Variants in RPAP1 observed in about 807,000 individuals in gnomAD.
The protein encoded by RPAP1 is RNA polymerase II-associated protein 1.
In RPAP1, 109 loss-of-function variants were observed where a neutral mutation model predicts 142.4. The observed-to-expected ratio is 0.77, with a 90% confidence interval of 0.66 to 0.90. The LOEUF is 0.90. Among genes scored for constraint, RPAP1 ranks in the 40% least tolerant of loss-of-function variants. The pLI is 0.00. For synonymous variants in RPAP1, 704 were observed against 738.9 expected (o/e 0.95, Z 0.77); for missense variants, 1,546 against 1,751.7 (o/e 0.88, Z 2.10).
intron 19 of RPAP1, 34 bp downstream of exon 19, chr15:41,522,731 T>C: frequency 1.9e-6 from 2 of 1,041,988 alleles, no homozygotes; most frequent in Non-Finnish European, 2.6e-6. Context: ...TCTTGGCCCC[T>C]TGCCTGGCCC....
intron 1 of RPAP1, among the ~76,000 whole-genome samples, chr15:41,541,826 G>C (rs1056249806): frequency 2.0e-5 from 3 of 152,274 alleles, no homozygotes; most frequent in Admixed American, 1.3e-4. Flanking sequence ...CAGCCTGGGG[G>C]ACAGAGCATG....
intron 20 of RPAP1, 26 bp from the exon 21 acceptor site, chr15:41,521,906 C>T (rs541393890): frequency 6.2e-7 from 1 of 1,610,332 alleles, no homozygotes; most frequent in East Asian, 2.2e-5. Flanking sequence ...CAGGGAACTA[C>T]CTAGTACAGG....
At position 41,543,725 on chromosome 15, in the gene RPAP1, A is replaced by G. The variant is rs556977689; in HGVS notation, c.-77+494T>C. Among the ~76,000 whole-genome samples, 27 of 152,328 alleles carry G rather than the reference A, an allele frequency of 1.8e-4. No homozygotes were observed. The South Asian group carries it at 4.1e-3, about 23-fold the overall frequency. On this transcript the variant is annotated intron_variant, in intron 1 of 24. Transcript: ENST00000304330. ...ACAAATCCAGCGCAGATTTGTCCAG[A>G]ACCAATCAGTGCTAGAAGTGATAAC...
chr15:41,524,506 T>C (rs892568864), intron 15 of RPAP1, among the ~76,000 whole-genome samples: 2 of 151,264 alleles, frequency 1.3e-5, no homozygotes, highest in Non-Finnish European at 3.0e-5. Flanking sequence ...CATTCTCTGT[T>C]GCCCAGGCTG....
chr15:41,540,032 CA>C (rs1424160535), intron 1 of RPAP1, among the ~76,000 whole-genome samples: 1 of 151,204 alleles, frequency 6.6e-6, no homozygotes, highest in East Asian at 2.0e-4. Context: ...GACTCCGTCT[CA>C]AAAAAATAAT....
Position 41,529,911 on chromosome 15 carries a change from G to A in RPAP1, c.1012C>T (p.His338Tyr). Residue 338 changes from histidine (H) to tyrosine (Y), a missense_variant, in exon 8 of 25, where the codon CAC becomes TAC. Around this residue, in one of 3 missense-constraint regions of RPAP1, gnomAD observed 1,333 missense variants for 1,486.6 expected, o/e 0.90. Transcript: ENST00000304330. Reference sequence around the variant, plus strand: ...ACAGGGGGCAAGTCCTGGGTCCAGTGGAGCTTCTCCAGCTCGACAGTGTCC... The same window carrying A: ...ACAGGGGGCAAGTCCTGGGTCCAGTAGAGCTTCTCCAGCTCGACAGTGTCC... ...HMDTVELEKL[H>Y]WTQDLPPVRR... The A allele has an allele frequency of 1.2e-6, 2 of 1,613,784 alleles. No homozygotes were observed. Among genetic ancestry groups the A allele is most frequent in the Non-Finnish European group, 1.7e-6 (2 of 1,179,786 alleles).
At chr15:41,521,907 C>G (rs1436558737) in intron 20 of RPAP1, 27 bp from the exon 21 acceptor site, 2 of 1,610,188 alleles carry the variant, frequency 1.2e-6, no homozygotes, top group Admixed American at 3.4e-5. Flanking sequence ...AGGGAACTAC[C>G]TAGTACAGGA....
In RPAP1 at chr15:41,536,638, A is replaced by AATCTGGGAG; in HGVS notation, c.184_192dup (p.Asp64_Pro66dup). On this transcript the variant is annotated inframe_insertion, in exon 3 of 25. Transcript: ENST00000304330. ...GGAGAAGGGACCAAAGCTGGGGGCA[A>AATCTGGGAG]ATCTGGGAGATCTGAGAAAGAAAAG... 1 of 1,613,772 alleles carries AATCTGGGAG rather than the reference A, an allele frequency of 6.2e-7. No homozygotes were observed. The highest frequency in any genetic ancestry group is 1.1e-5 in the South Asian group (1 of 91,074).
In RPAP1 at chr15:41,517,579, G is replaced by A. The variant is rs756856358; in HGVS notation, c.4145C>T (p.Thr1382Ile). The A allele has an allele frequency of 6.3e-6, 10 of 1,598,654 alleles. No homozygotes were observed. Among genetic ancestry groups the A allele is most frequent in the African/African-American group, 1.3e-5 (1 of 74,266 alleles). Residue 1382 changes from threonine (T) to isoleucine (I), a missense_variant, in exon 25 of 25, where the codon ACT becomes ATT. Thr to Ile is a moderately conservative substitution (Grantham distance 89). Transcript: ENST00000304330. ...TACCCCATTTTGGAGCACTGTTGAA[G>A]TCAGTCTCTGGAGGTAGTGCTGACG... is the stretch of plus-strand genomic sequence containing the variant. ...PLRQHYLQRL[T>I]STVLQNGVSE...
chr15:41,526,011 G>A (rs2051786999), intron 14 of RPAP1, among the ~76,000 whole-genome samples: 1 of 152,088 alleles, frequency 6.6e-6, no homozygotes, highest in South Asian at 2.1e-4. Flanking sequence ...ATGCAGTGGT[G>A]TGATCTTGGC....
chr15:41,528,453 A>G, intron 9 of RPAP1, 117 bp from the exon 10 acceptor site: 1 of 714,362 alleles, frequency 1.4e-6, no homozygotes, highest in Non-Finnish European at 2.4e-6. Context: ...CCTGCTTTCC[A>G]TGGAGCCTCA....
At position 41,518,027 on chromosome 15, in the gene RPAP1, G is replaced by A; in HGVS notation, c.3951C>T (p.Phe1317=). Residue 1317 remains phenylalanine (F), a synonymous_variant, in exon 23 of 25, where the codon TTC becomes TTT. Transcript: ENST00000304330. The stretch of plus-strand genomic sequence containing the variant: ...TTACTGAGCTCTGTGGGTCCTGAGA[G>A]AAGATGAAGCTATTGACATGAGCCA... ...VAVAHVNSFI[F]SQDPQSSDEV... is the part of the protein sequence containing the mutation. 6.2e-7 allele frequency: 1 copy of A among 1,614,144 alleles called. No individual in the cohort carries two copies. Among genetic ancestry groups the A allele is most frequent in the Non-Finnish European group, 8.5e-7 (1 of 1,180,002 alleles).
At chr15:41,542,191 T>C (rs1165699023) in intron 1 of RPAP1, among the ~76,000 whole-genome samples, 2 of 152,212 alleles carry the variant, frequency 1.3e-5, no homozygotes, top group Non-Finnish European at 2.9e-5. Context: ...TCATTATCTC[T>C]CTTTGCCCAC....
intron 17 of RPAP1, among the ~76,000 whole-genome samples, 164 bp downstream of exon 17, chr15:41,523,607 C>T (rs551924332): frequency 1.4e-4 from 21 of 152,088 alleles, no homozygotes; most frequent in East Asian, 5.8e-4. Context: ...GGAAGCTCCA[C>T]GGGGATATGG....
intron 6 of RPAP1, among the ~76,000 whole-genome samples, chr15:41,532,718 A>T (rs1008074956): frequency 3.3e-5 from 5 of 152,080 alleles, no homozygotes; most frequent in Non-Finnish European, 7.4e-5. Flanking sequence ...CATCTCAAAA[A>T]AAAAATCGCA....
At chr15:41,538,894 AAAG>A (rs60928469) in intron 1 of RPAP1, among the ~76,000 whole-genome samples, 46,448 of 151,900 alleles carry the variant, frequency 0.31, 7,669 homozygotes, top group Admixed American at 0.39. Context: ...GAAAAGAAAG[AAAG>A]AAGCTAGCCA....
chr15:41,526,709 C>T (rs1490759494), intron 14 of RPAP1, among the ~76,000 whole-genome samples, 189 bp downstream of exon 14: 2 of 152,204 alleles, frequency 1.3e-5, no homozygotes, highest in Admixed American at 6.5e-5. Context: ...ATATGATGCA[C>T]CAGGCTCCAG....
intron 15 of RPAP1, 119 bp from the exon 16 acceptor site, chr15:41,524,373 G>A: frequency 2.4e-6 from 2 of 817,012 alleles, no homozygotes; most frequent in Non-Finnish European, 3.6e-6. Context: ...AGGAAGAGTG[G>A]GGCACTCTTG....
At chr15:41,519,116 T>G (rs974295690) in intron 22 of RPAP1, among the ~76,000 whole-genome samples, 4 of 152,218 alleles carry the variant, frequency 2.6e-5, no homozygotes, top group African/African-American at 4.8e-5. Flanking sequence ...GGTCAGAAAC[T>G]CTTGGCCTCA....
Sources: gnomAD v4.1 joint callset for allele counts (sites outside exome capture counted in the v4.1 genomes callset) on GRCh38, gnomAD v4.1.1 for gene constraint, gnomAD v4.1.1 regional missense constraint, MANE v1.5 for transcripts, NCBI Gene and HGNC (gene_info 2026-07-23, HGNC 2026-07-21) for gene names.